The following PRMT8 variants were observed in gnomAD, a reference collection of about 807,000 sequenced individuals.
PRMT8 encodes the protein protein arginine methyltransferase 8, also known as protein arginine N-methyltransferase 8.
In PRMT8, 7 loss-of-function variants were observed where a neutral mutation model predicts 47.1. The observed-to-expected ratio is 0.15, with a 90% CI of 0.08 to 0.28. The LOEUF (loss-of-function observed/expected upper bound fraction) is 0.28. PRMT8 is among the 10% of genes least tolerant of loss of function. PRMT8 has a pLI of 1.00. For missense variants in PRMT8, 237 were observed against 505.4 expected, an observed-to-expected ratio of 0.47 and a Z score of 5.09; for synonymous variants, 188 against 186.5, an observed-to-expected ratio of 1.01 and a Z score of -0.07.
intron 1 of PRMT8, among the ~76,000 whole-genome samples, chr12:3,511,190 C>A (rs1865708619): frequency 6.6e-6 from 1 of 152,202 alleles, no homozygotes; most frequent in Non-Finnish European, 1.5e-5. Flanking sequence ...AGCTCCATGC[C>A]TGTCTTCCCT....
In PRMT8 at chr12:3,580,512, T is replaced by C. The variant is rs1867040430; in HGVS notation, c.829-2546T>C. ...AGAGGGGCCTAGGCAAAGAAGTAAG[T>C]CTTCAAGCAGGGAGACCTGTTCTGA... On this transcript the variant is annotated intron_variant, in intron 7 of 9. Coordinates refer to ENST00000382622, the MANE Select transcript of PRMT8 (RefSeq NM_019854.5). This position sits in a 1 kb window ranked among gnomAD's most constrained non-coding sequence, Gnocchi z 4.6. 6.6e-6 allele frequency among the ~76,000 whole-genome samples: 1 copy of C among 152,114 alleles called. No individual in the cohort carries two copies. The highest frequency in any genetic ancestry group is 2.1e-4 in the South Asian group (1 of 4,824).
intron 1 of PRMT8, among the ~76,000 whole-genome samples, chr12:3,391,492 G>T (rs1864192744): frequency 6.6e-6 from 1 of 152,218 alleles, no homozygotes; most frequent in Non-Finnish European, 1.5e-5. Context: ...CAGTGGGGAG[G>T]TCACTGGAGC....
intron 7 of PRMT8, among the ~76,000 whole-genome samples, chr12:3,582,410 T>C (rs1331014313): frequency 5.3e-5 from 8 of 152,220 alleles, no homozygotes; most frequent in Non-Finnish European, 1.5e-5. Context: ...AGTCCAGCCT[T>C]GTTAAAAATG....
chr12:3,418,819 C>T (rs1357482486), intron 1 of PRMT8, among the ~76,000 whole-genome samples: 1 of 152,012 alleles, frequency 6.6e-6, no homozygotes, highest in East Asian at 1.9e-4. Context: ...GGGCTGGCTG[C>T]TTGAAGAGGA....
chr12:3,540,633 C>CCCCCCCCCCCCCCCCCCCCTA lies in PRMT8; in HGVS notation c.103_104insCCCCCCCCCCCCCCCCCCCTA (p.Gln35delinsProProProProProProProLys). On this transcript the variant is annotated protein_altering_variant, in exon 2 of 10. Transcript: ENST00000382622. ...GAACAGCCCCCCCTCCCAGCCCCCCCAGCCCGTCGTCCCTGCTAAGCCCGT... is the reference window on the plus strand; with the variant it reads ...GAACAGCCCCCCCTCCCAGCCCCCCCCCCCCCCCCCCCCCCCCCCTAAGCCCGTCGTCCCTGCTAAGCCCGT... 6.4e-7 allele frequency: 1 copy of CCCCCCCCCCCCCCCCCCCCTA among 1,553,208 alleles called. No homozygotes were observed. The highest frequency in any genetic ancestry group is 1.1e-5 in the South Asian group (1 of 89,532).
chr12:3,528,317 CTCAATGATAT>C (rs1438012572), intron 1 of PRMT8, among the ~76,000 whole-genome samples: 2 of 152,086 alleles, frequency 1.3e-5, no homozygotes. Context: ...TGTCCCACAG[CTCAATGATAT>C]TCTGTTTAAC....
At chr12:3,510,291 C>A (rs1048505633) in intron 1 of PRMT8, among the ~76,000 whole-genome samples, 1 of 151,994 alleles carries the variant, frequency 6.6e-6, no homozygotes, top group Non-Finnish European at 1.5e-5. Context: ...GCTGTGGGTC[C>A]GACACAACCA....
chr12:3,458,118 G>A (rs1490479005), intron 1 of PRMT8, among the ~76,000 whole-genome samples: 1 of 152,240 alleles, frequency 6.6e-6, no homozygotes, highest in African/African-American at 2.4e-5. Context: ...TGGGATTACA[G>A]GCGTGAGCAT....
At position 3,491,594 on chromosome 12, in the gene PRMT8, ATC is replaced by A; in HGVS notation, c.-29_-28del. On this transcript the variant is annotated 5_prime_UTR_variant, in exon 1 of 10. Transcript: ENST00000382622. ...CACCAGCTCTCTCTCCTCCTCTACT[ATC>A]TCGGTATCACCAAACCCTTGCCGGC... 6.2e-7 allele frequency: 1 copy of A among 1,604,470 alleles called. No homozygotes were observed. Among genetic ancestry groups the A allele is most frequent in the East Asian group, 2.2e-5 (1 of 44,594 alleles).
At position 3,493,035 on chromosome 12, in the gene PRMT8, G is replaced by A. The variant is rs1185769450; in HGVS notation, c.75+1335G>A. On this transcript the variant is annotated intron_variant, in intron 1 of 9. Transcript: ENST00000382622. The surrounding 1 kb of genome is among the most constrained non-coding windows in gnomAD (Gnocchi z 8.2). ...TGCGCTAAAACCCCTACCCCACGGC[G>A]TAGGCAGCAAAGCTTTATAAATCCC... 6.6e-6 allele frequency among the ~76,000 whole-genome samples: 1 copy of A among 152,122 alleles called. No individual in the cohort carries two copies. Among genetic ancestry groups the A allele is most frequent in the Non-Finnish European group, 1.5e-5 (1 of 68,020 alleles).
Position 3,548,341 on chromosome 12 carries a change from A to G in PRMT8, c.262-1595A>G, listed in dbSNP as rs185659534. 2.5e-3 allele frequency among the ~76,000 whole-genome samples: 382 copies of G among 152,336 alleles called. 1 individual carries two copies. The highest frequency in any genetic ancestry group is 4.7e-3 in the Non-Finnish European group (318 of 68,020). On this transcript the variant is annotated intron_variant, in intron 2 of 9. Transcript: ENST00000382622. ...GAAAAAAATGGAAAAACTGGTCTTT[A>G]TCAAAATTAAAAACTGCTTTAAAAA...
chr12:3,489,307 CCCT>C (rs1331244312), upstream of PRMT8, among the ~76,000 whole-genome samples: 1 of 151,342 alleles, frequency 6.6e-6, no homozygotes, highest in Non-Finnish European at 1.5e-5. Flanking sequence ...GTTTCAGCTC[CCCT>C]CCTCCCTGGT....
intron 2 of PRMT8, among the ~76,000 whole-genome samples, chr12:3,545,648 C>T (rs115308293): frequency 8.5e-4 from 130 of 152,302 alleles, no homozygotes; most frequent in African/African-American, 3.0e-3. Flanking sequence ...TGTAGCACCA[C>T]CTGGCTGAGG....
chr12:3,517,129 G>A (rs1316173108), intron 1 of PRMT8, among the ~76,000 whole-genome samples: 1 of 152,202 alleles, frequency 6.6e-6, no homozygotes, highest in African/African-American at 2.4e-5. Flanking sequence ...GAGGAACTGG[G>A]GGAGGGACCT....
At chr12:3,480,751 T>G (rs1180379247) in intron 1 of PRMT8, among the ~76,000 whole-genome samples, 2 of 152,160 alleles carry the variant, frequency 1.3e-5, no homozygotes, top group Non-Finnish European at 2.9e-5. Flanking sequence ...TAACATGATT[T>G]TAAAGAGTGC....
chr12:3,482,268 G>T (rs959253243), intron 1 of PRMT8, among the ~76,000 whole-genome samples: 1 of 152,180 alleles, frequency 6.6e-6, no homozygotes, highest in Non-Finnish European at 1.5e-5. Flanking sequence ...GAAAAGAAAA[G>T]ACCATCTTTG....
Position 3,580,790 on chromosome 12 carries a change from C to A in PRMT8, c.829-2268C>A, listed in dbSNP as rs773015288. 6.6e-6 allele frequency among the ~76,000 whole-genome samples: 1 copy of A among 151,966 alleles called. No individual in the cohort carries two copies. Among genetic ancestry groups the A allele is most frequent in the Non-Finnish European group, 1.5e-5 (1 of 67,996 alleles). ...AGAGCCTGGAGCCTGGCTGATTGGC[C>A]CTGAGAAGGTGATGGAAAAGTCAGT... On this transcript the variant is annotated intron_variant, in intron 7 of 9. Coordinates refer to ENST00000382622, the MANE Select transcript of PRMT8 (RefSeq NM_019854.5). This position sits in a 1 kb window ranked among gnomAD's most constrained non-coding sequence, Gnocchi z 4.6.
intron 1 of PRMT8, among the ~76,000 whole-genome samples, chr12:3,519,981 G>A (rs185855271): frequency 1.3e-5 from 2 of 152,298 alleles, no homozygotes; most frequent in South Asian, 2.1e-4. Context: ...CAATACAGGC[G>A]AAAGAGGATG....
At chr12:3,518,409 T>TTTA (rs1555088237) in intron 1 of PRMT8, among the ~76,000 whole-genome samples, 68 of 148,978 alleles carry the variant, frequency 4.6e-4, no homozygotes, top group East Asian at 9.8e-4. Context: ...TTTTTTTTTT[T>TTTA]AAAAAAAAGG....
Sources: gnomAD v4.1 joint callset for allele counts (sites outside exome capture counted in the v4.1 genomes callset) on GRCh38, gnomAD v4.1.1 for gene constraint, Gnocchi (gnomAD v3.1) non-coding constraint, MANE v1.5 for transcripts, NCBI Gene and HGNC (gene_info 2026-07-23, HGNC 2026-07-21) for gene names.